The following VWC2 variants were observed in gnomAD, a reference collection of about 807,000 sequenced individuals.
VWC2 encodes the protein brorin.
In VWC2, 14 loss-of-function variants were observed where a neutral mutation model predicts 29.8. The observed-to-expected ratio is 0.47, with a 90% CI of 0.31 to 0.74. VWC2 has a LOEUF of 0.74. Ranked by LOEUF, VWC2 falls within the 30% of genes least tolerant of loss-of-function variation. VWC2 has a pLI of 0.05. For synonymous variants in VWC2, 213 were observed against 199.0 expected, an observed-to-expected ratio of 1.07 and a Z score of -0.59; for missense variants, 457 against 459.8, an observed-to-expected ratio of 0.99 and a Z score of 0.05.
intron 3 of VWC2, among the ~76,000 whole-genome samples, chr7:49,836,053 G>C (rs906090969): frequency 1.3e-5 from 2 of 152,154 alleles, no homozygotes; most frequent in Non-Finnish European, 2.9e-5. Flanking sequence ...CAGAGAAAGG[G>C]AGTTTGCTAG....
chr7:49,922,046 C>T (rs926206862), downstream of VWC2: 11 of 151,938 alleles, frequency 7.2e-5, no homozygotes, highest in Non-Finnish European at 1.5e-4. Flanking sequence ...AATGTATATA[C>T]GTCATTAAAA....
At chr7:49,776,187 G>C in intron 2 of VWC2, 56 bp downstream of exon 2, 1 of 1,416,916 alleles carries the variant, frequency 7.1e-7, no homozygotes, top group Non-Finnish European at 9.4e-7. Context: ...GGGTGGAACA[G>C]CTTTGGTTCT....
At chr7:49,816,376 AG>A (rs1425378978) in intron 3 of VWC2, among the ~76,000 whole-genome samples, 3 of 152,196 alleles carry the variant, frequency 2.0e-5, no homozygotes, top group Non-Finnish European at 4.4e-5. Flanking sequence ...GGACATGGGC[AG>A]TGAACACAGG....
At chr7:49,807,493 C>T (rs1788906736) in intron 3 of VWC2, among the ~76,000 whole-genome samples, 1 of 152,176 alleles carries the variant, frequency 6.6e-6, no homozygotes, top group Non-Finnish European at 1.5e-5. Context: ...AGACCACCAG[C>T]TGTGTGACTA....
chr7:49,803,828 G>A (rs926276531), intron 3 of VWC2, among the ~76,000 whole-genome samples: 1 of 152,158 alleles, frequency 6.6e-6, no homozygotes, highest in Admixed American at 6.5e-5. Flanking sequence ...TGCGGGCCAT[G>A]AGGTTCCATG....
chr7:49,781,336 C>T (rs1460687158), intron 2 of VWC2, among the ~76,000 whole-genome samples: 1 of 152,084 alleles, frequency 6.6e-6, no homozygotes, highest in Non-Finnish European at 1.5e-5. Flanking sequence ...GCTTTAAAAA[C>T]TGCTTATTTG....
intron 3 of VWC2, among the ~76,000 whole-genome samples, chr7:49,807,470 G>T (rs1353211926): frequency 6.6e-6 from 1 of 152,186 alleles, no homozygotes; most frequent in Non-Finnish European, 1.5e-5. Context: ...GTCAGAAAAG[G>T]CCTGTGCATG....
intron 3 of VWC2, among the ~76,000 whole-genome samples, chr7:49,852,688 A>T (rs1400710083): frequency 6.7e-6 from 1 of 149,928 alleles, no homozygotes; most frequent in Non-Finnish European, 1.5e-5. Context: ...GGTGTGACGG[A>T]TGGGGGACGG....
At chr7:49,894,926 T>C (rs774187889) in intron 3 of VWC2, among the ~76,000 whole-genome samples, 20 of 152,188 alleles carry the variant, frequency 1.3e-4, no homozygotes, top group Non-Finnish European at 2.2e-4. Context: ...AGGAGACATG[T>C]TGTGAAAGAC....
At chr7:49,826,456 A>G (rs2128710438) in intron 3 of VWC2, among the ~76,000 whole-genome samples, 1 of 152,338 alleles carries the variant, frequency 6.6e-6, no homozygotes, top group Admixed American at 6.5e-5. Context: ...GTCATTCAAT[A>G]ATTTTCAGTC....
rs576626174 is a variant in VWC2, at chr7:49,901,627, G to T, written c.827-10407G>T. ...CAACATTATCAAGATCTATTGTTGAGCAATAGATTCAACACAATCCCAAAC... is the reference window on the plus strand; with the variant it reads ...CAACATTATCAAGATCTATTGTTGATCAATAGATTCAACACAATCCCAAAC... On this transcript the variant is annotated intron_variant, in intron 3 of 3. Coordinates refer to ENST00000340652, the MANE Select transcript of VWC2 (RefSeq NM_198570.5). Among the ~76,000 whole-genome samples the T allele has an allele frequency of 4.6e-5, 7 of 151,894 alleles. No individual in the cohort carries two copies. In the South Asian group the frequency reaches 1.5e-3, roughly 32 times the overall value.
intron 3 of VWC2, among the ~76,000 whole-genome samples, chr7:49,860,541 G>C (rs1173929931): frequency 6.6e-6 from 1 of 152,222 alleles, no homozygotes; most frequent in Non-Finnish European, 1.5e-5. Context: ...TGTGGCCACT[G>C]TGAATAATGC....
At chr7:49,850,088 T>C (rs1790116307) in intron 3 of VWC2, among the ~76,000 whole-genome samples, 4 of 152,108 alleles carry the variant, frequency 2.6e-5, no homozygotes, top group Admixed American at 2.0e-4. Flanking sequence ...AACATGTTGC[T>C]GTAGAAAAAC....
At chr7:49,863,042 CTAA>C (rs1311707321) in intron 3 of VWC2, among the ~76,000 whole-genome samples, 4 of 152,272 alleles carry the variant, frequency 2.6e-5, no homozygotes, top group Middle Eastern at 3.4e-3. Flanking sequence ...AGGATTTGTG[CTAA>C]TTGTTTGTTA....
intron 3 of VWC2, among the ~76,000 whole-genome samples, chr7:49,881,602 A>T (rs1791666535): frequency 6.6e-6 from 1 of 152,110 alleles, no homozygotes; most frequent in East Asian, 1.9e-4. Flanking sequence ...GTTTCTTTGA[A>T]ATAGTCTTGT....
At chr7:49,779,047 G>C (rs900785514) in intron 2 of VWC2, among the ~76,000 whole-genome samples, 2 of 140,838 alleles carry the variant, frequency 1.4e-5, no homozygotes, top group Non-Finnish European at 3.2e-5. Context: ...GGGAGAGAGA[G>C]AGAGAGAGAG....
At chr7:49,887,955 T>C (rs1791970616) in intron 3 of VWC2, among the ~76,000 whole-genome samples, 1 of 152,236 alleles carries the variant, frequency 6.6e-6, no homozygotes, top group Admixed American at 6.5e-5. Flanking sequence ...TTTACATTTG[T>C]GTATCTGTAG....
At chr7:49,815,414 T>C (rs968131289) in intron 3 of VWC2, among the ~76,000 whole-genome samples, 1 of 152,230 alleles carries the variant, frequency 6.6e-6, no homozygotes, top group Non-Finnish European at 1.5e-5. Flanking sequence ...ATGACTCTGA[T>C]ACATATCACC....
chr7:49,809,924 ACT>A (rs1352427048), intron 3 of VWC2, among the ~76,000 whole-genome samples: 1 of 151,990 alleles, frequency 6.6e-6, no homozygotes, highest in Non-Finnish European at 1.5e-5. Flanking sequence ...TATTATGAAT[ACT>A]CTCTCAATAC....
Sources: allele counts gnomAD v4.1 joint callset (sites outside exome capture counted in the v4.1 genomes callset), GRCh38; gene constraint gnomAD v4.1.1; transcripts MANE v1.5; gene names NCBI Gene and HGNC (gene_info 2026-07-23, HGNC 2026-07-21).